Variants in ARID4B observed in about 807,000 individuals in gnomAD.
The protein encoded by ARID4B is AT-rich interaction domain 4B.
ARID4B carries 26 observed loss-of-function variants against 147.5 expected under a neutral mutation model. The ratio of observed to expected loss-of-function variants is 0.18; its 90% CI spans 0.13 to 0.24. ARID4B has a LOEUF of 0.24. Among genes scored for constraint, ARID4B ranks in the 10% least tolerant of loss-of-function variants. The pLI, the probability that ARID4B is intolerant of heterozygous loss-of-function variation, is 1.00. For missense variants in ARID4B, 1,179 were observed against 1,511.5 expected (o/e 0.78, Z 3.65); for synonymous variants, 512 against 507.9 (o/e 1.01, Z -0.11).
At chr1:235,176,437 C>G (rs78797586) in intron 21 of ARID4B, among the ~76,000 whole-genome samples, 1 of 22,522 alleles carries the variant, frequency 4.4e-5, no homozygotes, top group Non-Finnish European at 1.1e-4. Flanking sequence ...ACAACATCAC[C>G]AAAAAAAAAA....
intron 2 of ARID4B, among the ~76,000 whole-genome samples, chr1:235,301,187 A>G (rs1158969620): frequency 3.3e-5 from 5 of 151,596 alleles, no homozygotes; most frequent in Non-Finnish European, 5.9e-5. Context: ...CACCCAGGCG[A>G]ATCTACTTTT....
chr1:235,204,532 T>C (rs1666180162), intron 17 of ARID4B, among the ~76,000 whole-genome samples: 1 of 152,162 alleles, frequency 6.6e-6, no homozygotes, highest in African/African-American at 2.4e-5. Flanking sequence ...ATAGTAATTA[T>C]ATCAATAGGT....
chr1:235,231,088 T>A, intron 10 of ARID4B, 25 bp downstream of exon 10: 1 of 1,485,374 alleles, frequency 6.7e-7, no homozygotes, highest in Non-Finnish European at 9.2e-7. Context: ...ACAGTACTTG[T>A]AATTTATTCC....
At chr1:235,319,586 G>C (rs1253223069) in intron 2 of ARID4B, among the ~76,000 whole-genome samples, 1 of 152,110 alleles carries the variant, frequency 6.6e-6, no homozygotes, top group Non-Finnish European at 1.5e-5. Context: ...AAAAACAAGT[G>C]AAAGGATTGC....
intron 23 of ARID4B, among the ~76,000 whole-genome samples, chr1:235,170,881 C>A (rs1183992101): frequency 7.1e-6 from 1 of 140,714 alleles, no homozygotes; most frequent in African/African-American, 2.7e-5. Flanking sequence ...CACTGCACTC[C>A]AGCCTGGTGA....
In ARID4B at chr1:235,246,465, G is replaced by A; in HGVS notation, c.401C>T (p.Pro134Leu). 1 of 1,613,776 alleles carries A rather than the reference G, an allele frequency of 6.2e-7. No homozygotes were observed. Among genetic ancestry groups the A allele is most frequent in the Non-Finnish European group, 8.5e-7 (1 of 1,179,726 alleles). Residue 134 changes from proline (P) to leucine (L), a missense_variant, in exon 7 of 24, where the codon CCA becomes CTA. Pro to Leu is a moderately conservative substitution (Grantham distance 98). Around this residue, in one of 10 missense-constraint regions of ARID4B, gnomAD observed 19 missense variants for 46.7 expected, o/e 0.41. Transcript: ENST00000264183. Reference sequence around the variant, plus strand: ...TCTATTTGTTTTCTTTCCTATGACTGGAGTGCCAAAATGCTCAGGGTTGGT... The same window carrying A: ...TCTATTTGTTTTCTTTCCTATGACTAGAGTGCCAAAATGCTCAGGGTTGGT... ...PLTNPEHFGTPVIGKKTNRGR... is the reference protein window; with the variant it reads ...PLTNPEHFGTLVIGKKTNRGR...
chr1:235,177,092 AG>A (rs1433724194), intron 21 of ARID4B, among the ~76,000 whole-genome samples: 4 of 152,228 alleles, frequency 2.6e-5, no homozygotes, highest in Non-Finnish European at 5.9e-5. Flanking sequence ...CATAATATAG[AG>A]TACCAAAGAC....
rs1388647019 is a variant in ARID4B, at chr1:235,216,076, T to C, written c.1584-2050A>G. On this transcript the variant is annotated intron_variant, in intron 16 of 23. Coordinates refer to ENST00000264183, the MANE Select transcript of ARID4B (RefSeq NM_016374.6). Reference sequence around the variant, plus strand: ...ATGCTTTTTTATTCTCCTTGTCCTTTTGTATAGTGGGGCAGGAGTGTTGGC... The same window carrying C: ...ATGCTTTTTTATTCTCCTTGTCCTTCTGTATAGTGGGGCAGGAGTGTTGGC... Among the ~76,000 whole-genome samples, 8 of 152,166 alleles carry C rather than the reference T, an allele frequency of 5.3e-5. 2 individuals are homozygous for C. The highest frequency in any genetic ancestry group is 4.6e-4 in the Admixed American group (7 of 15,266).
At chr1:235,226,815 C>T (rs558281994) in intron 11 of ARID4B, among the ~76,000 whole-genome samples, 60 of 152,012 alleles carry the variant, frequency 3.9e-4, no homozygotes, top group Non-Finnish European at 7.4e-4. Context: ...TGAGCCACCG[C>T]GCCCAGCCAC....
chr1:235,248,812 C>T (rs1933249), intron 6 of ARID4B, among the ~76,000 whole-genome samples: 20,164 of 152,074 alleles, frequency 0.13, 1,552 homozygotes, highest in African/African-American at 0.2. Flanking sequence ...TTTCAAGGGA[C>T]TAAAAAGACC....
At chr1:235,185,272 A>G (rs1664597129) in intron 19 of ARID4B, among the ~76,000 whole-genome samples, 1 of 152,232 alleles carries the variant, frequency 6.6e-6, no homozygotes, top group Admixed American at 6.5e-5. Flanking sequence ...CCCTGCAGAA[A>G]TAAGTAGTAC....
At chr1:235,317,726 T>G (rs1468824206) in intron 2 of ARID4B, among the ~76,000 whole-genome samples, 1 of 152,220 alleles carries the variant, frequency 6.6e-6, no homozygotes, top group Non-Finnish European at 1.5e-5. Context: ...GAGTTTCCTG[T>G]ACTCCTAAGA....
chr1:235,276,763 C>T (rs1013473056), intron 2 of ARID4B, among the ~76,000 whole-genome samples: 18 of 151,784 alleles, frequency 1.2e-4, no homozygotes, highest in African/African-American at 4.4e-4. Context: ...TTTGGGAGGC[C>T]GAAGCAGGGG....
intron 2 of ARID4B, among the ~76,000 whole-genome samples, chr1:235,306,256 C>T (rs1300003312): frequency 6.6e-6 from 1 of 152,076 alleles, no homozygotes; most frequent in East Asian, 1.9e-4. Context: ...CACGGTGGCT[C>T]ACTTTGGGAG....
At chr1:235,320,136 A>T (rs74487633) in intron 2 of ARID4B, among the ~76,000 whole-genome samples, 4 of 150,726 alleles carry the variant, frequency 2.7e-5, no homozygotes, top group African/African-American at 4.9e-5. Flanking sequence ...AAAAAAAAAA[A>T]ACAAAAAATA....
intron 2 of ARID4B, among the ~76,000 whole-genome samples, chr1:235,269,452 A>G (rs1933247): frequency 0.28 from 41,932 of 152,152 alleles, 7,362 homozygotes; most frequent in South Asian, 0.53. Context: ...ATCTGCCAAG[A>G]GTAACTGGAA....
chr1:235,310,428 T>G (rs1209965025), intron 2 of ARID4B, among the ~76,000 whole-genome samples: 1 of 152,202 alleles, frequency 6.6e-6, no homozygotes, highest in Non-Finnish European at 1.5e-5. Flanking sequence ...ATCAGTTTAA[T>G]GTGTGCCTGT....
Position 235,181,540 on chromosome 1 carries a change from A to C in ARID4B, c.3334+45T>G, listed in dbSNP as rs372664278. ...ACTGTGAAATCATTGAAACTTTAAGAGGGGAAACCCTAAAATAAGTCAACA... is the reference window on the plus strand; with the variant it reads ...ACTGTGAAATCATTGAAACTTTAAGCGGGGAAACCCTAAAATAAGTCAACA... On this transcript the variant is annotated intron_variant, in intron 20 of 23. Transcript: ENST00000264183. The C allele has an allele frequency of 6.6e-5, 103 of 1,569,190 alleles. No homozygotes were observed. In the African/African-American group the frequency reaches 1.1e-3, roughly 16 times the overall value.
At chr1:235,169,751 T>A (rs993982072) in intron 23 of ARID4B, among the ~76,000 whole-genome samples, 1 of 151,700 alleles carries the variant, frequency 6.6e-6, no homozygotes, top group Non-Finnish European at 1.5e-5. Context: ...AACCTTTGCC[T>A]CCTGGGTTCA....
Sources: allele counts gnomAD v4.1 joint callset (sites outside exome capture counted in the v4.1 genomes callset), GRCh38; gene constraint gnomAD v4.1.1; regional missense constraint gnomAD v4.1.1; transcripts MANE v1.5; gene names NCBI Gene and HGNC (gene_info 2026-07-23, HGNC 2026-07-21).